Variants in KLK6 observed in about 807,000 individuals in gnomAD.
KLK6 encodes kallikrein-6.
Under a neutral mutation model 21.7 loss-of-function variants are expected in KLK6, and 16 were observed. That is an observed-to-expected ratio of 0.74 (90% CI 0.50 to 1.12). KLK6 has a LOEUF of 1.12. KLK6 is among the 50% of genes most tolerant of loss of function. The pLI, the probability that KLK6 is intolerant of heterozygous loss-of-function variation, is 0.00. For missense variants in KLK6, 276 were observed against 304.6 expected, an observed-to-expected ratio of 0.91 and a Z score of 0.70; for synonymous variants, 116 against 120.1, an observed-to-expected ratio of 0.97 and a Z score of 0.22.
At chr19:50,964,432 A>G (rs1057191513) in intron 4 of KLK6, among the ~76,000 whole-genome samples, 3 of 152,210 alleles carry the variant, frequency 2.0e-5, no homozygotes, top group African/African-American at 7.2e-5. Flanking sequence ...TTGCAGAGCA[A>G]TGCTGTCCAC....
chr19:50,964,321 C>G (rs1005689578), intron 4 of KLK6, among the ~76,000 whole-genome samples: 4 of 152,226 alleles, frequency 2.6e-5, no homozygotes, highest in Non-Finnish European at 5.9e-5. Flanking sequence ...CAATTCCTAT[C>G]TCCCTCCCCT....
chr19:50,966,993 T>C (rs1350711563), intron 4 of KLK6, among the ~76,000 whole-genome samples, 176 bp downstream of exon 4: 1 of 152,204 alleles, frequency 6.6e-6, no homozygotes, highest in African/African-American at 2.4e-5. Flanking sequence ...TCCACTGCTA[T>C]GCCCGCAGGG....
chr19:50,967,416 G>T (rs1354967380), intron 3 of KLK6, 91 bp from the exon 4 acceptor site: 3 of 1,305,228 alleles, frequency 2.3e-6, no homozygotes, highest in East Asian at 4.8e-5. Context: ...TTGGTCAGGT[G>T]CAGTGGCTTA....
In KLK6 at chr19:50,959,179, G is replaced by A; in HGVS notation, c.720C>T (p.Thr240=). 3 of 1,614,146 alleles carry A rather than the reference G, an allele frequency of 1.9e-6. No individual in the cohort carries two copies. Among genetic ancestry groups the A allele is most frequent in the Non-Finnish European group, 2.5e-6 (3 of 1,180,014 alleles). The change falls in exon 7 of 7, where the codon ACC becomes ACT. Residue 240 remains threonine, a synonymous_variant. Transcript: ENST00000310157. ...CATGTCAGGGTCACTTGGCCTGAAT[G>A]GTTTTTTGGATCCAGTTCGTGTATC... ...VCRYTNWIQK[T]IQAK
chr19:50,959,796 AGAG>A lies in KLK6; in HGVS notation c.583-483_583-481del, dbSNP rs1359053490. On this transcript the variant is annotated intron_variant, in intron 6 of 6. Transcript: ENST00000310157. ...AGGAGGAGGAGGAAGAGGAGGAGGA[AGAG>A]GAGAAGGAGGAGGAGGAAGAGGAGG... 3.8e-4 allele frequency among the ~76,000 whole-genome samples: 3 copies of A among 7,998 alleles called. 1 individual carries two copies. Among genetic ancestry groups the A allele is most frequent in the African/African-American group, 2.1e-3 (3 of 1,460 alleles). 5.2% of individuals were successfully genotyped at this position (7,998 alleles called of 152,430 possible).
At chr19:50,962,093 G>T in intron 5 of KLK6, 1 of 498,380 alleles carries the variant, frequency 2.0e-6, no homozygotes, top group Non-Finnish European at 3.5e-6. Context: ...CCCCCCCATT[G>T]GCTGTCTTCC....
chr19:50,961,972 C>G (rs1212949930), intron 5 of KLK6, 92 bp from the exon 6 acceptor site: 1 of 1,370,880 alleles, frequency 7.3e-7, no homozygotes, highest in Non-Finnish European at 9.8e-7. Context: ...GTCCTCCATC[C>G]TCTATTGGTC....
chr19:50,964,385 A>G (rs915159587), intron 4 of KLK6, among the ~76,000 whole-genome samples: 1 of 152,078 alleles, frequency 6.6e-6, no homozygotes, highest in Non-Finnish European at 1.5e-5. Context: ...CTATATATTT[A>G]TTGTTAAATA....
intron 5 of KLK6, 113 bp from the exon 6 acceptor site, chr19:50,961,993 A>G (rs981970206): frequency 8.9e-7 from 1 of 1,119,872 alleles, no homozygotes; most frequent in Non-Finnish European, 1.2e-6. Flanking sequence ...CCTCTTTTCT[A>G]TTGGCACCCC....
intron 6 of KLK6, among the ~76,000 whole-genome samples, chr19:50,961,016 G>A (rs1026884494): frequency 1.6e-4 from 25 of 152,226 alleles, no homozygotes; most frequent in Non-Finnish European, 3.4e-4. Context: ...CACCCACCTC[G>A]GCCTCCCAAG....
intron 4 of KLK6, 77 bp from the exon 5 acceptor site, chr19:50,963,626 T>G: frequency 6.4e-7 from 1 of 1,552,968 alleles, no homozygotes. Context: ...TGGGAAGTCA[T>G]GAATCGCTGG....
intron 3 of KLK6, among the ~76,000 whole-genome samples, chr19:50,967,536 C>CACACACACACAA (rs2090946248): frequency 6.6e-6 from 1 of 151,002 alleles, no homozygotes; most frequent in African/African-American, 2.4e-5. Context: ...CACACACACA[C>CACACACACACAA]ACACACACAC....
intron 6 of KLK6, among the ~76,000 whole-genome samples, chr19:50,961,512 C>T (rs2090839526): frequency 1.3e-5 from 2 of 152,220 alleles, no homozygotes; most frequent in Admixed American, 1.3e-4. Context: ...CTTGTCTCTG[C>T]ACTTCCTGTC....
intron 5 of KLK6, 100 bp from the exon 6 acceptor site, chr19:50,961,980 G>T: frequency 8.3e-6 from 11 of 1,318,206 alleles, no homozygotes; most frequent in Non-Finnish European, 1.1e-5. Context: ...TCCTCTATTG[G>T]TCCCTCTTTT....
intron 6 of KLK6, among the ~76,000 whole-genome samples, chr19:50,960,653 C>T (rs1448789460): frequency 1.3e-5 from 2 of 152,112 alleles, no homozygotes; most frequent in Admixed American, 6.5e-5. Context: ...AGTGCAGTGG[C>T]GTGATCTCAG....
chr19:50,967,390 T>G (rs1447046710), intron 3 of KLK6, 65 bp from the exon 4 acceptor site: 2 of 1,479,006 alleles, frequency 1.4e-6, no homozygotes. Flanking sequence ...CCCCTCAACA[T>G]GAACTCCAGT....
rs367723261 is a variant in KLK6 at position 50,963,344 on chromosome 19, T to A, written c.403A>T (p.Thr135Ser). Residue 135 changes from threonine to serine, a missense_variant, in exon 5 of 7, where the codon ACC (threonine) becomes TCC (serine). Physicochemically the swap from Thr to Ser is moderately conservative, Grantham distance 58. Coordinates refer to ENST00000310157, the MANE Select transcript of KLK6 (RefSeq NM_002774.4). Reference sequence around the variant, plus strand: ...CAGCCCAGGATGTGGCAGCTGGTGGTGTTGGCTGAGCAGTCCCTCTCCAGG... The same window carrying A: ...CAGCCCAGGATGTGGCAGCTGGTGGAGTTGGCTGAGCAGTCCCTCTCCAGG... ...LPLERDCSAN[T>S]TSCHILGWGK... is the part of the protein sequence containing the mutation. The A allele has an allele frequency of 3.4e-5, 55 of 1,613,900 alleles. No individual in the cohort carries two copies. Among genetic ancestry groups the A allele is most frequent in the Non-Finnish European group, 4.3e-5 (51 of 1,179,982 alleles).
At chr19:50,962,082 T>C in intron 5 of KLK6, 1 of 514,586 alleles carries the variant, frequency 1.9e-6, no homozygotes, top group Non-Finnish European at 3.3e-6. Context: ...CTATCATTCT[T>C]CCCCCCCATT....
chr19:50,961,517 C>T (rs2090839599), intron 6 of KLK6, among the ~76,000 whole-genome samples: 1 of 152,238 alleles, frequency 6.6e-6, no homozygotes, highest in African/African-American at 2.4e-5. Context: ...CTCTGCACTT[C>T]CTGTCTCTGC....
Sources: gnomAD v4.1 joint callset for allele counts (sites outside exome capture counted in the v4.1 genomes callset) on GRCh38, gnomAD v4.1.1 for gene constraint, MANE v1.5 for transcripts, NCBI Gene and HGNC (gene_info 2026-07-23, HGNC 2026-07-21) for gene names.